The following PRUNE1 variants were observed in gnomAD, a reference collection of about 807,000 sequenced individuals.
PRUNE1 encodes exopolyphosphatase PRUNE1.
PRUNE1 carries 25 observed loss-of-function variants against 42.5 expected under a neutral mutation model. The observed-to-expected ratio is 0.59, with a 90% CI of 0.43 to 0.82. The LOEUF is 0.82. Among genes scored for constraint, PRUNE1 ranks in the 40% least tolerant of loss-of-function variants. The probability of loss-of-function intolerance (pLI) is 0.00; values close to 1 mark genes in which losing one functional copy is unlikely to be tolerated. For missense variants in PRUNE1, 443 were observed against 539.3 expected, an observed-to-expected ratio of 0.82 and a Z score of 1.77; for synonymous variants, 203 against 217.1, an observed-to-expected ratio of 0.93 and a Z score of 0.57.
intron 7 of PRUNE1, among the ~76,000 whole-genome samples, chr1:151,032,924 C>T (rs769587630): frequency 6.6e-6 from 1 of 151,368 alleles, no homozygotes; most frequent in Admixed American, 6.6e-5. Flanking sequence ...CAGGTGTGAA[C>T]CACCATGTCT....
chr1:151,023,683 A>C (rs1410253303), intron 3 of PRUNE1, among the ~76,000 whole-genome samples: 5 of 149,746 alleles, frequency 3.3e-5, no homozygotes, highest in African/African-American at 1.2e-4. Context: ...GCACCACTGC[A>C]CTCCAGCCTG....
intron 7 of PRUNE1, 22 bp downstream of exon 7, chr1:151,028,966 A>T (rs748497638): frequency 6.3e-7 from 1 of 1,598,806 alleles, no homozygotes; most frequent in African/African-American, 1.3e-5. Flanking sequence ...TCCCTTCTCC[A>T]ACCTAAGAGC....
chr1:151,031,159 TC>T (rs1207529687), intron 7 of PRUNE1, among the ~76,000 whole-genome samples: 3 of 151,382 alleles, frequency 2.0e-5, no homozygotes, highest in Non-Finnish European at 1.5e-5. Flanking sequence ...GGAGTCCTTC[TC>T]TCTCTGTTTT....
chr1:151,013,659 T>C (rs1470320810), intron 1 of PRUNE1, among the ~76,000 whole-genome samples: 1 of 152,194 alleles, frequency 6.6e-6, no homozygotes, highest in East Asian at 1.9e-4. Context: ...ACTGCTCTTA[T>C]GTTTTTCCTC....
Position 151,030,871 on chromosome 1 carries a change from G to T in PRUNE1, c.933+1927G>T, listed in dbSNP as rs989732923. Among the ~76,000 whole-genome samples the T allele has an allele frequency of 3.3e-5, 5 of 152,186 alleles. No homozygotes were observed. The South Asian group carries it at 8.3e-4, about 25-fold the overall frequency. ...TCACTCTTTGAGCTAAGGCAAGTCA[G>T]TTGACTTCTGCATCTGGAAATGGCA... On this transcript the variant is annotated intron_variant, in intron 7 of 7. Transcript: ENST00000271620.
chr1:151,033,823 A>G lies in PRUNE1; in HGVS notation c.951A>G (p.Glu317=). The G allele has an allele frequency of 6.2e-7, 1 of 1,613,702 alleles. No homozygotes were observed. Among genetic ancestry groups the G allele is most frequent in the Non-Finnish European group, 8.5e-7 (1 of 1,179,768 alleles). Residue 317 remains glutamate, a synonymous_variant, in exon 8 of 8, where the codon GAA becomes GAG. Coordinates refer to ENST00000271620, the MANE Select transcript of PRUNE1 (RefSeq NM_021222.3). ...ALQTTICEVL[E]RSHSPPLKLT... is the part of the protein sequence containing the mutation. Reference sequence around the variant, plus strand: ...CTCTTTAGATCTGTGAAGTCCTGGAACGCTCCCACTCTCCACCCCTGAAGC... The same window carrying G: ...CTCTTTAGATCTGTGAAGTCCTGGAGCGCTCCCACTCTCCACCCCTGAAGC...
intron 1 of PRUNE1, among the ~76,000 whole-genome samples, chr1:151,012,521 A>T (rs1239688322): frequency 6.6e-6 from 1 of 152,146 alleles, no homozygotes; most frequent in Non-Finnish European, 1.5e-5. Context: ...GCTCCTTAAG[A>T]TAGAAGTTAA....
chr1:151,034,242 G>A lies in PRUNE1; in HGVS notation c.*8G>A, dbSNP rs1422927282. ...TCCCTGTCCAAGAAGTGACTGTTGA[G>A]AGGCGAGGAGGTAGTGGGTGAGGCT... On this transcript the variant is annotated 3_prime_UTR_variant, in exon 8 of 8. Transcript: ENST00000271620. 6.3e-7 allele frequency: 1 copy of A among 1,599,406 alleles called. No homozygotes were observed. The highest frequency in any genetic ancestry group is 1.7e-5 in the Admixed American group (1 of 59,786).
In PRUNE1 at chr1:151,034,125, A is replaced by T; in HGVS notation, c.1253A>T (p.Glu418Val). The T allele has an allele frequency of 6.2e-7, 1 of 1,614,202 alleles. No homozygotes were observed. The highest frequency in any genetic ancestry group is 8.5e-7 in the Non-Finnish European group (1 of 1,180,040). ...ACGCCCATGAACAGCTTGGTGGATG[A>T]GTGCCCTCTAGATCAGGGGCTGCCT... Reference protein sequence around the residue: ...PPTPMNSLVDECPLDQGLPKL... With the variant: ...PPTPMNSLVDVCPLDQGLPKL... Residue 418 changes from glutamate to valine, a missense_variant, in exon 8 of 8, where the codon GAG becomes GTG. Physicochemically the swap from Glu to Val is moderately radical, Grantham distance 121 (BLOSUM62 -2). Coordinates refer to ENST00000271620, the MANE Select transcript of PRUNE1 (RefSeq NM_021222.3).
intron 5 of PRUNE1, among the ~76,000 whole-genome samples, chr1:151,026,245 T>C (rs913546305): frequency 2.0e-5 from 3 of 151,298 alleles, no homozygotes; most frequent in Non-Finnish European, 4.4e-5. Flanking sequence ...TCACCTGAGG[T>C]CAGGAGTTCA....
intron 3 of PRUNE1, chr1:151,022,800 T>C (rs1674561257): frequency 6.6e-6 from 1 of 152,176 alleles, no homozygotes; most frequent in Non-Finnish European, 1.5e-5. Context: ...GCGGCCATGC[T>C]AATCTTCTCT....
At chr1:151,033,212 A>G (rs1675343564) in intron 7 of PRUNE1, among the ~76,000 whole-genome samples, 1 of 151,058 alleles carries the variant, frequency 6.6e-6, no homozygotes, top group Non-Finnish European at 1.5e-5. Flanking sequence ...CAGCCTCCCA[A>G]GTAGCTGGGA....
At chr1:151,021,362 G>A (rs959987933) in intron 3 of PRUNE1, among the ~76,000 whole-genome samples, 1 of 152,168 alleles carries the variant, frequency 6.6e-6, no homozygotes, top group Non-Finnish European at 1.5e-5. Context: ...GGCTGAGGCA[G>A]GAGAATTGCT....
Position 151,034,222 on chromosome 1 carries a change from G to A in PRUNE1, c.1350G>A (p.Leu450=), listed in dbSNP as rs373525229. The change falls in exon 8 of 8, where the codon CTG becomes CTA. Residue 450 remains leucine (L), a synonymous_variant. Transcript: ENST00000271620. ...TGTCACAGTCTACCACAGCCTCCCTGTCCAAGAAGTGACTGTTGAGAGGCG... is the reference window on the plus strand; with the variant it reads ...TGTCACAGTCTACCACAGCCTCCCTATCCAAGAAGTGACTGTTGAGAGGCG... ...ISLSQSTTAS[L]SKK is the part of the protein sequence containing the mutation. 102 of 1,608,184 alleles carry A rather than the reference G, an allele frequency of 6.3e-5. 1 individual carries two copies. The highest frequency in any genetic ancestry group is 7.3e-5 in the Non-Finnish European group (86 of 1,175,678).
intron 7 of PRUNE1, among the ~76,000 whole-genome samples, chr1:151,032,393 A>G (rs1675291869): frequency 6.6e-6 from 1 of 152,016 alleles, no homozygotes; most frequent in Non-Finnish European, 1.5e-5. Flanking sequence ...CTAGTCTATT[A>G]AATAAAAAAT....
intron 7 of PRUNE1, among the ~76,000 whole-genome samples, chr1:151,030,371 C>T (rs1185837061): frequency 6.6e-6 from 1 of 152,022 alleles, no homozygotes; most frequent in Non-Finnish European, 1.5e-5. Context: ...ATCCTTTGCT[C>T]TCATAGAAGG....
At chr1:151,025,875 G>A (rs1674803211) in intron 5 of PRUNE1, among the ~76,000 whole-genome samples, 1 of 151,518 alleles carries the variant, frequency 6.6e-6, no homozygotes, top group Admixed American at 6.6e-5. Context: ...CGAGTAGCTG[G>A]GATTACAGGC....
At position 151,033,901 on chromosome 1, in the gene PRUNE1, C is replaced by T. The variant is rs1348412546; in HGVS notation, c.1029C>T (p.Asn343=). 1.2e-6 allele frequency: 2 copies of T among 1,613,666 alleles called. No homozygotes were observed. Among genetic ancestry groups the T allele is most frequent in the Non-Finnish European group, 1.7e-6 (2 of 1,179,712 alleles). The part of the protein sequence containing the change: ...HPNLHAYLQG[N]TQVSRKKLLP... ...ACCTCCATGCCTATCTTCAAGGCAACACCCAGGTCTCTCGAAAGAAACTTC... is the reference window on the plus strand; with the variant it reads ...ACCTCCATGCCTATCTTCAAGGCAATACCCAGGTCTCTCGAAAGAAACTTC... The change falls in exon 8 of 8, where the codon AAC becomes AAT. Residue 343 remains asparagine (N), a synonymous_variant. Transcript: ENST00000271620.
At chr1:151,025,964 C>G (rs587656261) in intron 5 of PRUNE1, among the ~76,000 whole-genome samples, 2 of 151,932 alleles carry the variant, frequency 1.3e-5, no homozygotes, top group South Asian at 4.2e-4. Flanking sequence ...TGGTCTTGAA[C>G]TCTGAAGCTC....
Sources: gnomAD v4.1 joint callset for allele counts (sites outside exome capture counted in the v4.1 genomes callset) on GRCh38, gnomAD v4.1.1 for gene constraint, MANE v1.5 for transcripts, NCBI Gene and HGNC (gene_info 2026-07-23, HGNC 2026-07-21) for gene names.